PYGB: variants seen among roughly 807,000 people sequenced by gnomAD.
PYGB encodes glycogen phosphorylase B.
PYGB carries 82 observed loss-of-function variants against 94.3 expected under a neutral mutation model. The observed-to-expected ratio is 0.87, with a 90% CI of 0.73 to 1.04. PYGB has a LOEUF of 1.04. Among genes scored for constraint, PYGB ranks in the 50% least tolerant of loss-of-function variants. The pLI is 0.00. For missense variants in PYGB, 1,132 were observed against 1,158.2 expected (o/e 0.98, Z 0.33); for synonymous variants, 488 against 479.1 (o/e 1.02, Z -0.24).
chr20:25,284,371 G>C (rs1040296206), intron 14 of PYGB, 120 bp downstream of exon 14: 7 of 1,329,692 alleles, frequency 5.3e-6, no homozygotes, highest in Non-Finnish European at 6.1e-6. Flanking sequence ...ATAGGCGTGT[G>C]CATGTGTGAT....
intron 2 of PYGB, among the ~76,000 whole-genome samples, chr20:25,260,809 A>C (rs1423844678): frequency 2.0e-5 from 3 of 152,242 alleles, no homozygotes; most frequent in East Asian, 1.9e-4. Context: ...CGGTCTTAGC[A>C]AACGGCACAC....
At chr20:25,270,910 C>T (rs1422970406) in intron 3 of PYGB, among the ~76,000 whole-genome samples, 1 of 152,192 alleles carries the variant, frequency 6.6e-6, no homozygotes, top group Non-Finnish European at 1.5e-5. Flanking sequence ...CCTGGTACTG[C>T]GGTGTTTGCA....
At chr20:25,293,941 A>C in intron 17 of PYGB, 1 of 588,266 alleles carries the variant, frequency 1.7e-6, no homozygotes, top group South Asian at 2.0e-5. Flanking sequence ...AGCAGGTGGG[A>C]TTGGCTTTAG....
intron 2 of PYGB, among the ~76,000 whole-genome samples, chr20:25,260,519 T>C (rs2500413): frequency 0.6 from 91,370 of 152,138 alleles, 28,797 homozygotes; most frequent in East Asian, 0.98. Flanking sequence ...CCAAGATGGC[T>C]GAATAGGAAC....
intron 3 of PYGB, 38 bp downstream of exon 3, chr20:25,269,245 G>C (rs200237845): frequency 6.0e-6 from 9 of 1,499,602 alleles, no homozygotes; most frequent in Non-Finnish European, 8.3e-6. Context: ...TCTCGGACCC[G>C]TTGGCTTGGT....
chr20:25,270,172 T>A (rs2088253174), intron 3 of PYGB, among the ~76,000 whole-genome samples: 1 of 151,982 alleles, frequency 6.6e-6, no homozygotes, highest in Non-Finnish European at 1.5e-5. Flanking sequence ...TTTTTTTGAT[T>A]TTTTTAATCC....
rs147783737 is a variant in PYGB at position 25,248,238 on chromosome 20, G to A, written c.60G>A (p.Ala20=). 5 of 1,596,518 alleles carry A rather than the reference G, an allele frequency of 3.1e-6. No homozygotes were observed. The highest frequency in any genetic ancestry group is 1.4e-5 in the African/African-American group (1 of 73,324). ...AGCAGATCAGCGTGCGCGGCCTGGC[G>A]GGGCTAGGCGACGTGGCCGAGGTGC... is the stretch of plus-strand genomic sequence containing the variant. ...KRKQISVRGL[A]GLGDVAEVRK... Residue 20 remains alanine (A), a synonymous_variant, in exon 1 of 20, where the codon GCG becomes GCA. Transcript: ENST00000216962.
rs1386543192 is a variant in PYGB at position 25,278,366 on chromosome 20, G to GGCC, written c.907_909dup (p.Ala303dup). 1 of 1,611,148 alleles carries GGCC rather than the reference G, an allele frequency of 6.2e-7. No homozygotes were observed. On this transcript the variant is annotated inframe_insertion, in exon 8 of 20. Transcript: ENST00000216962. The stretch of plus-strand genomic sequence containing the variant: ...GGCTGAAGCAGGAGTACTTCGTGGT[G>GGCC]GCCGCCACGCTCCAGGACATCATCC...
intron 17 of PYGB, among the ~76,000 whole-genome samples, chr20:25,293,165 G>A (rs1418938190): frequency 6.6e-6 from 1 of 151,108 alleles, no homozygotes; most frequent in East Asian, 2.0e-4. Context: ...GGGGGGTTGG[G>A]GGGTGGCAGA....
rs1950549580 is a variant in PYGB at position 25,290,684 on chromosome 20, T to C, written c.1969+62T>C. The C allele has an allele frequency of 7.6e-6, 12 of 1,576,438 alleles. No homozygotes were observed. In the South Asian group the frequency reaches 1.1e-4, roughly 15 times the overall value. On this transcript the variant is annotated intron_variant, in intron 16 of 19. Transcript: ENST00000216962. ...TCCTGCCGGGGAACGGGCGTTGTACTGGCCCCGGGCCTTTCATCCTCAGCC... is the reference window on the plus strand; with the variant it reads ...TCCTGCCGGGGAACGGGCGTTGTACCGGCCCCGGGCCTTTCATCCTCAGCC...
chr20:25,290,367 G>T, intron 15 of PYGB, 114 bp from the exon 16 acceptor site: 1 of 1,371,972 alleles, frequency 7.3e-7, no homozygotes. Context: ...CCGTCCCGAC[G>T]GCAGGTTCCT....
At chr20:25,290,366 C>T (rs984351322) in intron 15 of PYGB, 115 bp from the exon 16 acceptor site, 11 of 1,363,818 alleles carry the variant, frequency 8.1e-6, no homozygotes, top group Admixed American at 3.7e-5. Flanking sequence ...ACCGTCCCGA[C>T]GGCAGGTTCC....
intron 6 of PYGB, 94 bp from the exon 7 acceptor site, chr20:25,277,150 G>A (rs1471400219): frequency 2.0e-6 from 2 of 978,084 alleles, no homozygotes; most frequent in Non-Finnish European, 3.3e-6. Context: ...GTGCTCGAGC[G>A]AGTTTCCTTG....
chr20:25,252,025 C>T (rs114615932), intron 1 of PYGB, among the ~76,000 whole-genome samples: 2,200 of 152,274 alleles, frequency 0.014, 49 homozygotes, highest in African/African-American at 0.048. Flanking sequence ...GTTGTGGTAC[C>T]AGCCTCCGGA....
intron 1 of PYGB, among the ~76,000 whole-genome samples, chr20:25,252,295 G>A (rs953163654): frequency 6.6e-6 from 1 of 152,236 alleles, no homozygotes; most frequent in Non-Finnish European, 1.5e-5. Flanking sequence ...GCCCTTGCAG[G>A]CTGTGGTGGC....
chr20:25,277,635 C>G (rs915591258), intron 7 of PYGB, among the ~76,000 whole-genome samples: 1 of 152,226 alleles, frequency 6.6e-6, no homozygotes, highest in African/African-American at 2.4e-5. Flanking sequence ...TTGGGGCCAG[C>G]TGGAGCCCGT....
intron 14 of PYGB, among the ~76,000 whole-genome samples, chr20:25,284,504 G>A (rs1358935622): frequency 1.3e-5 from 2 of 152,236 alleles, no homozygotes; most frequent in African/African-American, 4.8e-5. Flanking sequence ...TGCCATCACG[G>A]CTCACTGCAG....
At chr20:25,255,595 C>A (rs960671689) in intron 1 of PYGB, among the ~76,000 whole-genome samples, 9 of 152,204 alleles carry the variant, frequency 5.9e-5, no homozygotes, top group Admixed American at 5.9e-4. Flanking sequence ...GGCGGCTGGT[C>A]TGAGGCATGC....
chr20:25,256,091 T>C (rs2092901956), intron 1 of PYGB, among the ~76,000 whole-genome samples: 1 of 152,118 alleles, frequency 6.6e-6, no homozygotes, highest in African/African-American at 2.4e-5. Context: ...TCCACCAGAG[T>C]ATTAAGACAC....
Sources: allele counts gnomAD v4.1 joint callset (sites outside exome capture counted in the v4.1 genomes callset), GRCh38; gene constraint gnomAD v4.1.1; transcripts MANE v1.5; gene names NCBI Gene and HGNC (gene_info 2026-07-23, HGNC 2026-07-21).